ZNF563: variants seen among roughly 807,000 people sequenced by gnomAD.
ZNF563 encodes zinc finger protein 563.
In ZNF563, 39 loss-of-function variants were observed where a neutral mutation model predicts 48.5. The ratio of observed to expected loss-of-function variants is 0.80; its 90% confidence interval spans 0.62 to 1.05. The LOEUF (loss-of-function observed/expected upper bound fraction) is 1.05. ZNF563 is among the 50% of genes least tolerant of loss of function. The pLI is 0.00. For synonymous variants in ZNF563, 168 were observed against 187.9 expected, an observed-to-expected ratio of 0.89 and a Z score of 0.87; for missense variants, 538 against 597.0, an observed-to-expected ratio of 0.90 and a Z score of 1.03.
At chr19:12,327,168 G>C (rs1285538920) in intron 1 of ZNF563, among the ~76,000 whole-genome samples, 1 of 152,136 alleles carries the variant, frequency 6.6e-6, no homozygotes, top group African/African-American at 2.4e-5. Flanking sequence ...GACGGAAATA[G>C]AGAGGTAGTT....
chr19:12,318,493 G>A lies in ZNF563; in HGVS notation c.*101C>T. On this transcript the variant is annotated 3_prime_UTR_variant, in exon 4 of 4. Coordinates refer to ENST00000293725, the MANE Select transcript of ZNF563 (RefSeq NM_145276.3). The stretch of plus-strand genomic sequence containing the variant: ...TTTGAAAGGAATAAAAATTATGAAA[G>A]GCTTTCCCACATTTACATTTATAGG... The A allele has an allele frequency of 5.5e-6, 7 of 1,281,620 alleles. No individual in the cohort carries two copies. The highest frequency in any genetic ancestry group is 1.5e-5 in the South Asian group (1 of 67,400). The allele number at this position is 1,281,620 out of a possible 1,614,324, so 79.4% of individuals were successfully genotyped here.
At chr19:12,332,331 G>A (rs139645286) in intron 1 of ZNF563, among the ~76,000 whole-genome samples, 1 of 147,486 alleles carries the variant, frequency 6.8e-6, no homozygotes, top group Non-Finnish European at 1.5e-5. Context: ...GTCTAACTTT[G>A]TTTTTTTTCT....
intron 1 of ZNF563, among the ~76,000 whole-genome samples, chr19:12,329,355 C>T (rs541292237): frequency 9.9e-5 from 15 of 152,022 alleles, no homozygotes; most frequent in African/African-American, 3.4e-4. Flanking sequence ...GCCTGTTAAT[C>T]CCAGCTACTT....
chr19:12,338,132 C>T (rs1461122435), upstream of ZNF563, among the ~76,000 whole-genome samples: 1 of 152,036 alleles, frequency 6.6e-6, no homozygotes, highest in Non-Finnish European at 1.5e-5. Flanking sequence ...AACAAACAAA[C>T]AAAAAACCCT....
At position 12,322,441 on chromosome 19, in the gene ZNF563, T is replaced by G. The variant is rs552366622; in HGVS notation, c.130+144A>C. ...AAAAGTTAGATGAGGATGTACAACT[T>G]CTTTCAGGGCTGTCACCTCTGAATT... is the stretch of plus-strand genomic sequence containing the variant. On this transcript the variant is annotated intron_variant, in intron 2 of 3. Coordinates refer to ENST00000293725, the MANE Select transcript of ZNF563 (RefSeq NM_145276.3). 5.1e-5 allele frequency: 43 copies of G among 844,346 alleles called. No homozygotes were observed. In the African/African-American group the frequency reaches 7.7e-4, roughly 15 times the overall value. The allele number at this position is 844,346 out of a possible 1,614,324, so 52.3% of individuals were successfully genotyped here.
In ZNF563 at chr19:12,321,325, TA is replaced by T. The variant is rs1968617555; in HGVS notation, c.137del (p.Ile46AsnfsTer18). ...GATCTTCAGTATTCTGTTCTTCCCATATCATTCCTAAAAGGGAGACCCAGAA... is the reference window on the plus strand; with the variant it reads ...GATCTTCAGTATTCTGTTCTTCCCATTCATTCCTAAAAGGGAGACCCAGAA... ...TIRNLDCIRM[I>X]WEEQNTEDQY... On this transcript the variant is annotated frameshift_variant, in exon 3 of 4. Transcript: ENST00000293725. LOFTEE classifies it high-confidence loss of function. The T allele has an allele frequency of 1.3e-6, 2 of 1,554,854 alleles. No homozygotes were observed. The highest frequency in any genetic ancestry group is 8.6e-7 in the Non-Finnish European group (1 of 1,156,422).
Position 12,319,141 on chromosome 19 carries a change from G to A in ZNF563, c.884C>T (p.Ser295Phe), listed in dbSNP as rs369697674. 2.5e-6 allele frequency: 4 copies of A among 1,613,856 alleles called. No homozygotes were observed. The African/African-American group carries it at 5.3e-5, about 22-fold the overall frequency. ...QCGKAFSVSSSLRRHETTHSA... is the reference protein window; with the variant it reads ...QCGKAFSVSSFLRRHETTHSA... ...GTGAGTGGTTTCATGTCTTCGAAGG[G>A]AACTGGAAACACTGAAGGCTTTCCC... Residue 295 changes from serine (S) to phenylalanine (F), a missense_variant, in exon 4 of 4, where the codon TCC becomes TTC. Coordinates refer to ENST00000293725, the MANE Select transcript of ZNF563 (RefSeq NM_145276.3).
chr19:12,324,645 A>G (rs936230684), intron 1 of ZNF563, among the ~76,000 whole-genome samples: 6 of 144,430 alleles, frequency 4.2e-5, no homozygotes, highest in Non-Finnish European at 9.0e-5. Flanking sequence ...TGAACCCAGG[A>G]GGCAGAGGTT....
intron 3 of ZNF563, 119 bp downstream of exon 3, chr19:12,321,153 A>G: frequency 2.7e-6 from 2 of 730,516 alleles, no homozygotes; most frequent in Non-Finnish European, 2.1e-6. Context: ...AAAAAAGTTA[A>G]TTTAAAAAAT....
At chr19:12,341,678 T>A in the ZNF563 span, among the ~76,000 whole-genome samples, 1 of 152,154 alleles carries the variant, frequency 6.6e-6, no homozygotes. Flanking sequence ...ATTATTAACA[T>A]ACTTGCACTA....
chr19:12,330,989 G>A (rs1286724063), intron 1 of ZNF563, among the ~76,000 whole-genome samples: 1 of 151,862 alleles, frequency 6.6e-6, no homozygotes, highest in African/African-American at 2.4e-5. Context: ...CAAAACAACA[G>A]CAACAACAAA....
chr19:12,318,811 G>A lies in ZNF563; in HGVS notation c.1214C>T (p.Pro405Leu), dbSNP rs1422145690. ...CTTTTCGTGTCTTTGACATACACTAGGATAAACAAAAGCTTTCCCACATAT... is the reference window on the plus strand; with the variant it reads ...CTTTTCGTGTCTTTGACATACACTAAGATAAACAAAAGCTTTCCCACATAT... ...CKICGKAFVY[P>L]SVCQRHEKSH... The change falls in exon 4 of 4, where the codon CCT becomes CTT. Residue 405 changes from proline (P) to leucine (L), a missense_variant. Transcript: ENST00000293725. The A allele has an allele frequency of 4.3e-6, 7 of 1,614,058 alleles. No individual in the cohort carries two copies. Among genetic ancestry groups the A allele is most frequent in the Non-Finnish European group, 5.9e-6 (7 of 1,180,016 alleles).
chr19:12,337,568 T>C (rs1183043539), upstream of ZNF563, among the ~76,000 whole-genome samples: 1 of 152,192 alleles, frequency 6.6e-6, no homozygotes, highest in East Asian at 1.9e-4. Context: ...GGTACTTTCA[T>C]ACACAGCAAT....
chr19:12,345,493 T>C, the ZNF563 span, among the ~76,000 whole-genome samples: 1 of 152,152 alleles, frequency 6.6e-6, no homozygotes, highest in Non-Finnish European at 1.5e-5. Flanking sequence ...AGGACAATCT[T>C]TCAAAAAATG....
the ZNF563 span, chr19:12,345,904 G>A: frequency 1.3e-5 from 2 of 151,576 alleles, no homozygotes; most frequent in Admixed American, 1.3e-4. Flanking sequence ...GGTGACAGAG[G>A]GAGAAAAAAA....
At chr19:12,329,622 A>C (rs986467392) in intron 1 of ZNF563, among the ~76,000 whole-genome samples, 27 of 152,222 alleles carry the variant, frequency 1.8e-4, no homozygotes, top group African/African-American at 6.0e-4. Context: ...GAGTGCCATG[A>C]AAGAATATTA....
the ZNF563 span, among the ~76,000 whole-genome samples, chr19:12,343,104 G>A: frequency 6.6e-6 from 1 of 152,070 alleles, no homozygotes; most frequent in Non-Finnish European, 1.5e-5. Flanking sequence ...GGCTGAGGCA[G>A]GAGAATCGCT....
At chr19:12,324,411 A>C (rs903596948) in intron 1 of ZNF563, among the ~76,000 whole-genome samples, 2 of 152,070 alleles carry the variant, frequency 1.3e-5, no homozygotes, top group Non-Finnish European at 2.9e-5. Context: ...ACAAATGTCT[A>C]AAAATGCTAA....
At chr19:12,335,313 C>T (rs1568480885), upstream of ZNF563, among the ~76,000 whole-genome samples, 2 of 152,198 alleles carry the variant, frequency 1.3e-5, no homozygotes, top group African/African-American at 2.4e-5. Context: ...GTCGTAGAAT[C>T]CAGAACCCTT....
Sources: allele counts gnomAD v4.1 joint callset (sites outside exome capture counted in the v4.1 genomes callset), GRCh38; gene constraint gnomAD v4.1.1; transcripts MANE v1.5; gene names NCBI Gene and HGNC (gene_info 2026-07-23, HGNC 2026-07-21).